The following MGAT4A variants were observed in gnomAD, a reference collection of about 807,000 sequenced individuals.
MGAT4A encodes N-acetylglucosaminyltransferase IVa.
Under a neutral mutation model 74.1 loss-of-function variants are expected in MGAT4A, and 33 were observed. That is an observed-to-expected ratio of 0.45 (90% CI 0.34 to 0.60). The LOEUF (loss-of-function observed/expected upper bound fraction) is 0.60. Among genes scored for constraint, MGAT4A ranks in the 20% least tolerant of loss-of-function variants. MGAT4A has a pLI of 0.02. For missense variants in MGAT4A, 479 were observed against 628.3 expected (o/e 0.76, Z 2.54); for synonymous variants, 198 against 210.4 (o/e 0.94, Z 0.51).
intron 4 of MGAT4A, among the ~76,000 whole-genome samples, chr2:98,670,937 A>ATT: frequency 6.6e-6 from 1 of 152,146 alleles, no homozygotes; most frequent in South Asian, 2.1e-4. Context: ...CAACATCTCC[A>ATT]CTGTGATATC....
intron 8 of MGAT4A, 139 bp downstream of exon 8, chr2:98,655,306 C>A (rs1303396850): frequency 3.4e-6 from 2 of 585,352 alleles, no homozygotes; most frequent in Non-Finnish European, 5.9e-6. Flanking sequence ...ACCATGGAGA[C>A]CCCTCTGCTC....
intron 4 of MGAT4A, among the ~76,000 whole-genome samples, chr2:98,673,306 CA>C (rs770319279): frequency 3.1e-4 from 47 of 152,072 alleles, no homozygotes; most frequent in Non-Finnish European, 6.0e-4. Flanking sequence ...ATCTAAGAAA[CA>C]GAAGTTCTGA....
chr2:98,704,240 G>A (rs536688073), intron 2 of MGAT4A, among the ~76,000 whole-genome samples: 4 of 152,262 alleles, frequency 2.6e-5, no homozygotes, highest in East Asian at 3.9e-4. Context: ...GCACTATGCC[G>A]GCCTATGTAA....
At chr2:98,649,613 G>A (rs1360204323) in intron 8 of MGAT4A, among the ~76,000 whole-genome samples, 1 of 152,070 alleles carries the variant, frequency 6.6e-6, no homozygotes, top group African/African-American at 2.4e-5. Context: ...CAGAAACTAG[G>A]TGGAGCTCCA....
intron 4 of MGAT4A, among the ~76,000 whole-genome samples, chr2:98,669,846 G>A (rs1321781540): frequency 6.6e-6 from 1 of 152,158 alleles, no homozygotes; most frequent in African/African-American, 2.4e-5. Flanking sequence ...TGTAATCTGT[G>A]GGCTGAGCAC....
intron 2 of MGAT4A, among the ~76,000 whole-genome samples, chr2:98,690,935 T>A (rs1336524146): frequency 6.6e-6 from 1 of 151,922 alleles, no homozygotes; most frequent in African/African-American, 2.4e-5. Context: ...CCCAATCTAG[T>A]CAAAAGAGAG....
Position 98,699,883 on chromosome 2 carries a change from G to A in MGAT4A, c.95-21412C>T, listed in dbSNP as rs569689510. On this transcript the variant is annotated intron_variant, in intron 2 of 15. Coordinates refer to ENST00000393487, the MANE Select transcript of MGAT4A (RefSeq NM_012214.3). ...CCGAGTATGTGACAAAATGCTCCCT[G>A]GAAGAATGTTTTGAAGACAAAATAG... Among the ~76,000 whole-genome samples, 5 of 152,218 alleles carry A rather than the reference G, an allele frequency of 3.3e-5. No homozygotes were observed. In the South Asian group the frequency reaches 1.0e-3, roughly 32 times the overall value.
intron 2 of MGAT4A, among the ~76,000 whole-genome samples, chr2:98,683,640 A>G (rs1450768654): frequency 6.6e-6 from 1 of 152,140 alleles, no homozygotes; most frequent in Non-Finnish European, 1.5e-5. Context: ...AGTGGTAGAA[A>G]GGGATAGGAG....
At position 98,726,322 on chromosome 2, in the gene MGAT4A, C is replaced by A; in HGVS notation, c.11G>T (p.Arg4Leu). 6.2e-7 allele frequency: 1 copy of A among 1,613,502 alleles called. No homozygotes were observed. The highest frequency in any genetic ancestry group is 8.5e-7 in the Non-Finnish European group (1 of 1,179,566). The change falls in exon 2 of 16, where the codon CGC (arginine) becomes CTC (leucine). Residue 4 changes from arginine (R) to leucine (L), a missense_variant. Coordinates refer to ENST00000393487, the MANE Select transcript of MGAT4A (RefSeq NM_012214.3). MRL[R>L]NGTVATALAF... ...TAAAGCAGTGGCTACAGTTCCATTG[C>A]GGAGCCTCATCTCATTTCACCATCA...
At chr2:98,676,892 A>AT (rs1461453009) in intron 3 of MGAT4A, among the ~76,000 whole-genome samples, 5 of 152,232 alleles carry the variant, frequency 3.3e-5, no homozygotes, top group Middle Eastern at 3.4e-3. Flanking sequence ...TCGGTGATTT[A>AT]TTTTTTATCT....
At chr2:98,666,954 T>A (rs1701840105) in intron 4 of MGAT4A, among the ~76,000 whole-genome samples, 1 of 152,206 alleles carries the variant, frequency 6.6e-6, no homozygotes, top group East Asian at 1.9e-4. Context: ...AATCTCATCT[T>A]GAATTCCTAC....
intron 2 of MGAT4A, among the ~76,000 whole-genome samples, chr2:98,706,054 C>T (rs1161333957): frequency 2.0e-5 from 3 of 151,356 alleles, no homozygotes; most frequent in South Asian, 4.2e-4. Context: ...CCAATGCAGA[C>T]GCTGAACCGA....
intron 2 of MGAT4A, among the ~76,000 whole-genome samples, chr2:98,679,824 A>G (rs912335861): frequency 6.6e-6 from 1 of 152,178 alleles, no homozygotes; most frequent in African/African-American, 2.4e-5. Flanking sequence ...GTACAGTAGA[A>G]GAGGCTCAAG....
chr2:98,668,979 G>A (rs34066892), intron 4 of MGAT4A, among the ~76,000 whole-genome samples: 1 of 152,208 alleles, frequency 6.6e-6, no homozygotes, highest in East Asian at 1.9e-4. Context: ...TTGTACCTAG[G>A]AAGTAACCAG....
chr2:98,675,084 AT>A lies in MGAT4A; in HGVS notation c.353del (p.Asn118MetfsTer20). ...GTACAGCAGGTTGAAGACTTCCTTC[AT>A]TTTTCAATAAATGAGGCAAATGATA... ...IYYHLPHLLK[N>X]EGSLQPAVQI... On this transcript the variant is annotated frameshift_variant, in exon 4 of 16. Transcript: ENST00000393487. LOFTEE classifies it high-confidence loss of function. 6.2e-7 allele frequency: 1 copy of A among 1,611,720 alleles called. No individual in the cohort carries two copies. Among genetic ancestry groups the A allele is most frequent in the Admixed American group, 1.7e-5 (1 of 59,348 alleles).
At chr2:98,668,698 C>T (rs192322670) in intron 4 of MGAT4A, among the ~76,000 whole-genome samples, 171 of 152,318 alleles carry the variant, frequency 1.1e-3, no homozygotes, top group African/African-American at 3.8e-3. Flanking sequence ...CTGGAAAAGC[C>T]GCAGACACTC....
chr2:98,655,633 TACACACACACAC>T, intron 7 of MGAT4A, 113 bp from the exon 8 acceptor site: 1 of 658,664 alleles, frequency 1.5e-6, no homozygotes, highest in Non-Finnish European at 2.6e-6. Flanking sequence ...TGTATATGTG[TACACACACACAC>T]ATACACACAC....
chr2:98,713,414 T>C (rs1357405795), intron 2 of MGAT4A, among the ~76,000 whole-genome samples: 1 of 149,682 alleles, frequency 6.7e-6, no homozygotes. Context: ...TGCTTTACCG[T>C]GGTTTGAATA....
chr2:98,671,978 C>T (rs1398948415), intron 4 of MGAT4A, among the ~76,000 whole-genome samples: 4 of 143,998 alleles, frequency 2.8e-5, no homozygotes, highest in Admixed American at 6.9e-5. Context: ...AAAGGATCCT[C>T]CCCTAGAGAT....
Sources: allele counts gnomAD v4.1 joint callset (sites outside exome capture counted in the v4.1 genomes callset), GRCh38; gene constraint gnomAD v4.1.1; transcripts MANE v1.5; gene names NCBI Gene and HGNC (gene_info 2026-07-23, HGNC 2026-07-21).